The following TRIM9 variants were observed in gnomAD, a reference collection of about 807,000 sequenced individuals.
The protein encoded by TRIM9 is tripartite motif containing 9, also known as E3 ubiquitin-protein ligase TRIM9.
In TRIM9, 26 loss-of-function variants were observed where a neutral mutation model predicts 78.3. The observed-to-expected ratio is 0.33, with a 90% CI of 0.24 to 0.46. The LOEUF is 0.46. Ranked by LOEUF, TRIM9 falls within the 20% of genes least tolerant of loss-of-function variation. The pLI, the probability that TRIM9 is intolerant of heterozygous loss-of-function variation, is 1.00. For synonymous variants in TRIM9, 398 were observed against 416.5 expected (o/e 0.96, Z 0.54); for missense variants, 787 against 1,036.4 (o/e 0.76, Z 3.30).
At chr14:51,065,865 A>G (rs374602884) in intron 1 of TRIM9, among the ~76,000 whole-genome samples, 101 of 152,202 alleles carry the variant, frequency 6.6e-4, no homozygotes, top group African/African-American at 2.3e-3. Flanking sequence ...TTTGACATTT[A>G]TAAGTGAGTT....
In TRIM9 at chr14:51,000,689, T is replaced by G. The variant is rs2054864403; in HGVS notation, c.1458A>C (p.Gln486His). 2 of 1,614,034 alleles carry G rather than the reference T, an allele frequency of 1.2e-6. No homozygotes were observed. Among genetic ancestry groups the G allele is most frequent in the Non-Finnish European group, 8.5e-7 (1 of 1,179,936 alleles). ...ILELDDGNGG[Q>H]FREVYVGKET... is the part of the protein sequence containing the mutation. ...TAGTGGGCTGTCTACTGACCCGGAA[T>G]TGACCACCGTTGCCATCATCCAGCT... The change falls in exon 6 of 13, where the codon CAA becomes CAC. Residue 486 changes from glutamine to histidine, a missense_variant. Gln to His is a conservative substitution (Grantham distance 24, BLOSUM62 0). Around this residue, in one of 3 missense-constraint regions of TRIM9, gnomAD observed 421 missense variants for 514.3 expected, o/e 0.82. Coordinates refer to ENST00000684578, the MANE Select transcript of TRIM9 (RefSeq NM_001387360.1).
At chr14:51,080,561 G>T (rs929115636) in intron 1 of TRIM9, among the ~76,000 whole-genome samples, 2 of 152,034 alleles carry the variant, frequency 1.3e-5, no homozygotes, top group Non-Finnish European at 2.9e-5. Flanking sequence ...TTGGCAATAT[G>T]TACTGTGTCA....
intron 1 of TRIM9, among the ~76,000 whole-genome samples, chr14:51,049,196 G>A (rs977319319): frequency 2.0e-5 from 3 of 152,086 alleles, no homozygotes; most frequent in Admixed American, 2.0e-4. Context: ...TGAGTAGCTG[G>A]GACTACAGGC....
At chr14:51,079,328 A>C (rs2063093972) in intron 1 of TRIM9, among the ~76,000 whole-genome samples, 1 of 151,592 alleles carries the variant, frequency 6.6e-6, no homozygotes, top group African/African-American at 2.4e-5. Context: ...CTACTAATTC[A>C]CTCCTTCCCT....
At position 50,976,686 on chromosome 14, in the gene TRIM9, C is replaced by A. The variant is rs533808625; in HGVS notation, c.*605G>T. On this transcript the variant is annotated 3_prime_UTR_variant, in exon 13 of 13. Transcript: ENST00000684578. ...CCTAACGATCCTACCCTGATGTGAA[C>A]CTGTGTAGCGGATATTTTTGTGCTT... is the stretch of plus-strand genomic sequence containing the variant. The A allele has an allele frequency of 7.9e-5, 12 of 152,754 alleles. No homozygotes were observed. Among genetic ancestry groups the A allele is most frequent in the African/African-American group, 2.4e-4 (10 of 41,566 alleles). The allele number at this position is 152,754 out of a possible 1,614,324, so 9.5% of individuals were successfully genotyped here.
chr14:50,976,594 G>C lies in TRIM9; in HGVS notation c.*697C>G, dbSNP rs148553005. 6.6e-6 allele frequency: 1 copy of C among 152,612 alleles called. No homozygotes were observed. The highest frequency in any genetic ancestry group is 1.5e-5 in the Non-Finnish European group (1 of 68,042). 9.5% of individuals were successfully genotyped at this position (152,612 alleles called of 1,614,324 possible). ...AATCATTAAGTCCCCTGGTTTGCCT[G>C]TGTCTTAGAGACTTTCCAATTTTAT... On this transcript the variant is annotated 3_prime_UTR_variant, in exon 13 of 13. Coordinates refer to ENST00000684578, the MANE Select transcript of TRIM9 (RefSeq NM_001387360.1).
intron 1 of TRIM9, among the ~76,000 whole-genome samples, chr14:51,029,428 C>T (rs914176828): frequency 1.3e-5 from 2 of 152,166 alleles, no homozygotes; most frequent in African/African-American, 2.4e-5. Flanking sequence ...CCAAAGCCCA[C>T]TCCCGCTCCT....
intron 1 of TRIM9, among the ~76,000 whole-genome samples, chr14:51,070,689 G>A (rs2062143866): frequency 6.6e-6 from 1 of 152,118 alleles, no homozygotes; most frequent in African/African-American, 2.4e-5. Context: ...AACCTGCACT[G>A]GGAATAACAG....
chr14:50,989,864 T>G (rs1407882991), intron 7 of TRIM9, among the ~76,000 whole-genome samples: 2 of 152,080 alleles, frequency 1.3e-5, no homozygotes, highest in African/African-American at 4.8e-5. Context: ...TTGGCTGGAG[T>G]CTGGAGTTAG....
intron 1 of TRIM9, among the ~76,000 whole-genome samples, chr14:51,086,207 G>T (rs1245223304): frequency 6.6e-6 from 1 of 152,220 alleles, no homozygotes; most frequent in Non-Finnish European, 1.5e-5. Flanking sequence ...GAACAGAACA[G>T]CAGTTAAACA....
At chr14:51,010,046 T>C (rs2056375191) in intron 4 of TRIM9, among the ~76,000 whole-genome samples, 1 of 151,982 alleles carries the variant, frequency 6.6e-6, no homozygotes, top group African/African-American at 2.4e-5. Flanking sequence ...AAGGACCGAA[T>C]TCTTGGGCAA....
chr14:51,072,415 A>T (rs958543222), intron 1 of TRIM9, among the ~76,000 whole-genome samples: 2 of 152,242 alleles, frequency 1.3e-5, no homozygotes, highest in African/African-American at 4.8e-5. Flanking sequence ...ATGGATTAAC[A>T]GACTGCATCC....
At chr14:51,043,351 G>A (rs2059706498) in intron 1 of TRIM9, among the ~76,000 whole-genome samples, 2 of 152,214 alleles carry the variant, frequency 1.3e-5, no homozygotes, top group East Asian at 3.9e-4. Flanking sequence ...TTTCCAAAGG[G>A]GGTCGGCGGG....
chr14:51,046,102 G>A (rs144329658), intron 1 of TRIM9, among the ~76,000 whole-genome samples: 181 of 138,752 alleles, frequency 1.3e-3, no homozygotes, highest in African/African-American at 4.1e-3. Context: ...GAATGACCGC[G>A]TTTTAGAAAT....
chr14:51,021,081 A>G (rs2057714647), intron 3 of TRIM9, among the ~76,000 whole-genome samples: 3 of 152,182 alleles, frequency 2.0e-5, no homozygotes. Context: ...ATACAGTTCT[A>G]TGTGATTCGA....
intron 1 of TRIM9, among the ~76,000 whole-genome samples, chr14:51,058,362 A>T (rs935596428): frequency 3.3e-5 from 5 of 152,216 alleles, no homozygotes; most frequent in Non-Finnish European, 7.3e-5. Flanking sequence ...CTCTAACGAC[A>T]TTCTTGGTTG....
intron 1 of TRIM9, among the ~76,000 whole-genome samples, chr14:51,055,412 T>C (rs2060818022): frequency 6.6e-6 from 1 of 152,132 alleles, no homozygotes; most frequent in South Asian, 2.1e-4. Context: ...CATAAATAGG[T>C]CACATGGCAA....
intron 1 of TRIM9, among the ~76,000 whole-genome samples, chr14:51,037,053 A>G (rs1433599722): frequency 6.6e-6 from 1 of 152,120 alleles, no homozygotes; most frequent in South Asian, 2.1e-4. Context: ...TTACCTTACT[A>G]TCTTTCATCC....
At position 50,981,905 on chromosome 14, in the gene TRIM9, A is replaced by G. The variant is rs2051969855; in HGVS notation, c.2057T>C (p.Met686Thr). The G allele has an allele frequency of 6.2e-7, 1 of 1,614,064 alleles. No individual in the cohort carries two copies. Among genetic ancestry groups the G allele is most frequent in the African/African-American group, 1.3e-5 (1 of 74,910 alleles). The part of the protein sequence containing the change: ...HPDPAFGVAR[M>T]DVMKDVMLGK... ...TAACATCACATCCTTCATCACGTCC[A>G]TGCGAGCCACACCAAAGGCAGGATC... Residue 686 changes from methionine (M) to threonine (T), a missense_variant, in exon 11 of 13, where the codon ATG becomes ACG. By Grantham distance (81) the Met-to-Thr change is moderately conservative. Transcript: ENST00000684578.
Sources: gnomAD v4.1 joint callset for allele counts (sites outside exome capture counted in the v4.1 genomes callset) on GRCh38, gnomAD v4.1.1 for gene constraint, gnomAD v4.1.1 regional missense constraint, MANE v1.5 for transcripts, NCBI Gene and HGNC (gene_info 2026-07-23, HGNC 2026-07-21) for gene names.